Variants in CTNNA2 observed in about 807,000 individuals in gnomAD.
CTNNA2 encodes catenin alpha 2.
A neutral mutation model predicts 101.0 loss-of-function variants in CTNNA2; 42 were observed. That is an observed-to-expected ratio of 0.42 (90% CI 0.32 to 0.54). CTNNA2 has a LOEUF of 0.54. CTNNA2 is among the 20% of genes least tolerant of loss of function. The probability of loss-of-function intolerance (pLI) is 0.14; values close to 1 mark genes in which losing one functional copy is unlikely to be tolerated. For missense variants in CTNNA2, 871 were observed against 1,223.1 expected, an observed-to-expected ratio of 0.71 and a Z score of 4.29; for synonymous variants, 450 against 456.4, an observed-to-expected ratio of 0.99 and a Z score of 0.18.
intron 9 of CTNNA2, among the ~76,000 whole-genome samples, chr2:80,490,036 G>A (rs1418227189): frequency 6.6e-6 from 1 of 152,100 alleles, no homozygotes; most frequent in African/African-American, 2.4e-5. Context: ...AAATTACTAA[G>A]CAAAACAGTT....
chr2:79,205,670 C>A (rs868348161), intron 2 of CTNNA2, among the ~76,000 whole-genome samples: 3 of 152,198 alleles, frequency 2.0e-5, no homozygotes, highest in Non-Finnish European at 4.4e-5. Flanking sequence ...CATAGGTCCT[C>A]ATTTCCCCTG....
At position 80,513,622 on chromosome 2, in the gene CTNNA2, A is replaced by G. The variant is rs1688882142; in HGVS notation, c.1291-31360A>G. ...CACCTTCCAAAATCTTGATGCCATC[A>G]TCTCCATCTTTCTTGTCACATGATA... On this transcript the variant is annotated intron_variant, in intron 9 of 18. Transcript: ENST00000402739. Among the ~76,000 whole-genome samples the G allele has an allele frequency of 2.6e-5, 4 of 152,232 alleles. No homozygotes were observed. The South Asian group carries it at 6.2e-4, about 24-fold the overall frequency.
chr2:80,632,804 C>A (rs1364968097), intron 18 of CTNNA2, among the ~76,000 whole-genome samples: 1 of 152,146 alleles, frequency 6.6e-6, no homozygotes, highest in Non-Finnish European at 1.5e-5. Context: ...ATGTAATAAT[C>A]TTTTATAGTC....
chr2:80,641,641 CTTACCTCAGGAAGTTCACCA>C (rs902593575), intron 18 of CTNNA2, among the ~76,000 whole-genome samples: 5 of 152,148 alleles, frequency 3.3e-5, no homozygotes, highest in African/African-American at 1.2e-4. Context: ...TTATTTCTAT[CTTACCTCAGGAAGTTCACCA>C]TTCTGAAGGG....
At chr2:80,381,500 A>G (rs1676512907) in intron 7 of CTNNA2, among the ~76,000 whole-genome samples, 1 of 152,108 alleles carries the variant, frequency 6.6e-6, no homozygotes, top group African/African-American at 2.4e-5. Context: ...AGAGGGAGAA[A>G]ACAACGAGAT....
At chr2:79,446,371 T>G (rs1461801087) in intron 4 of CTNNA2, among the ~76,000 whole-genome samples, 1 of 152,078 alleles carries the variant, frequency 6.6e-6, no homozygotes. Context: ...GTTTTACCAG[T>G]ATTTAGAAAA....
intron 4 of CTNNA2, among the ~76,000 whole-genome samples, chr2:79,469,093 G>GC (rs1459326621): frequency 6.6e-6 from 1 of 151,770 alleles, no homozygotes; most frequent in Non-Finnish European, 1.5e-5. Context: ...TCCAGGAGCT[G>GC]GTTTGTTGAA....
At chr2:80,485,727 A>T (rs1183554764) in intron 9 of CTNNA2, among the ~76,000 whole-genome samples, 1 of 152,226 alleles carries the variant, frequency 6.6e-6, no homozygotes, top group African/African-American at 2.4e-5. Context: ...CAAAACAAAC[A>T]ACAATAACAA....
At chr2:79,701,086 C>G (rs114561443) in intron 2 of CTNNA2, among the ~76,000 whole-genome samples, 1 of 152,036 alleles carries the variant, frequency 6.6e-6, no homozygotes, top group Non-Finnish European at 1.5e-5. Flanking sequence ...AGAATAGAGT[C>G]CTTTTTGGCT....
At chr2:79,710,523 G>T (rs1255961474) in intron 2 of CTNNA2, among the ~76,000 whole-genome samples, 1 of 152,164 alleles carries the variant, frequency 6.6e-6, no homozygotes, top group Non-Finnish European at 1.5e-5. Context: ...TTTCCACCCA[G>T]TGGAGAGTGT....
At chr2:80,274,769 CT>C (rs1228580131) in intron 7 of CTNNA2, among the ~76,000 whole-genome samples, 1 of 152,136 alleles carries the variant, frequency 6.6e-6, no homozygotes, top group Non-Finnish European at 1.5e-5. Flanking sequence ...CCTCCATTGC[CT>C]GGAGAAGTTC....
At chr2:79,990,435 C>A (rs979107710) in intron 7 of CTNNA2, among the ~76,000 whole-genome samples, 3 of 152,050 alleles carry the variant, frequency 2.0e-5, no homozygotes, top group African/African-American at 7.2e-5. Flanking sequence ...TGAAGGGAGT[C>A]GCACTGATAC....
intron 2 of CTNNA2, among the ~76,000 whole-genome samples, chr2:79,657,993 A>G (rs758794992): frequency 6.6e-6 from 1 of 151,904 alleles, no homozygotes; most frequent in Non-Finnish European, 1.5e-5. Flanking sequence ...AGTAATATGA[A>G]AATGAGGTTA....
chr2:79,967,238 T>C (rs1690138331), intron 7 of CTNNA2, among the ~76,000 whole-genome samples: 1 of 152,098 alleles, frequency 6.6e-6, no homozygotes, highest in Admixed American at 6.5e-5. Context: ...TCAAGACTGC[T>C]TCCTCTCCAA....
At chr2:80,603,876 A>T in intron 15 of CTNNA2, 198 bp from the exon 16 acceptor site, 2 of 545,910 alleles carry the variant, frequency 3.7e-6, no homozygotes. Flanking sequence ...GAACATGCAC[A>T]TAAAAATATG....
intron 9 of CTNNA2, among the ~76,000 whole-genome samples, chr2:80,489,077 T>C (rs60939860): frequency 6.6e-6 from 1 of 152,126 alleles, no homozygotes; most frequent in Non-Finnish European, 1.5e-5. Context: ...TGTCTTTGCA[T>C]GTACCTTTGT....
intron 2 of CTNNA2, among the ~76,000 whole-genome samples, chr2:79,262,223 A>G (rs1313350305): frequency 6.6e-6 from 1 of 152,192 alleles, no homozygotes; most frequent in Non-Finnish European, 1.5e-5. Context: ...TCCTATATGG[A>G]ATAATGTTCT....
Position 80,285,576 on chromosome 2 carries a change from T to C in CTNNA2, c.1057-107635T>C, listed in dbSNP as rs183169652. 9.8e-4 allele frequency among the ~76,000 whole-genome samples: 149 copies of C among 152,272 alleles called. 1 individual carries two copies. Among genetic ancestry groups the C allele is most frequent in the African/African-American group, 3.3e-3 (137 of 41,556 alleles). On this transcript the variant is annotated intron_variant, in intron 7 of 18. Coordinates refer to ENST00000402739, the MANE Select transcript of CTNNA2 (RefSeq NM_001282597.3). ...TGGTCTTTGTACAAGGGTCATAGTC[T>C]GGGGACCAAGTCATTATTCCCAAAA...
At position 80,432,478 on chromosome 2, in the gene CTNNA2, A is replaced by G. The variant is rs150806875; in HGVS notation, c.1290+12877A>G. Among the ~76,000 whole-genome samples, 19 of 152,294 alleles carry G rather than the reference A, an allele frequency of 1.2e-4. No individual in the cohort carries two copies. In the East Asian group the frequency reaches 3.5e-3, roughly 28 times the overall value. ...TGCCTTTGGCTGCTCCTATTTAGAC[A>G]TTCTGGAGCTGCCACAAAGTGTGAA... On this transcript the variant is annotated intron_variant, in intron 9 of 18. Transcript: ENST00000402739.
Sources: gnomAD v4.1 joint callset for allele counts (sites outside exome capture counted in the v4.1 genomes callset) on GRCh38, gnomAD v4.1.1 for gene constraint, MANE v1.5 for transcripts, NCBI Gene and HGNC (gene_info 2026-07-23, HGNC 2026-07-21) for gene names.